The following ATG10 variants were observed in gnomAD, a reference collection of about 807,000 sequenced individuals.
The protein encoded by ATG10 is autophagy related 10.
A neutral mutation model predicts 32.1 loss-of-function variants in ATG10; 30 were observed. The observed-to-expected ratio is 0.94, with a 90% CI of 0.70 to 1.27. The LOEUF is 1.27. Among genes scored for constraint, ATG10 ranks in the 50% most tolerant of loss-of-function variants. The pLI is 0.00. For synonymous variants in ATG10, 87 were observed against 91.5 expected (o/e 0.95, Z 0.28); for missense variants, 233 against 262.3 (o/e 0.89, Z 0.77).
In ATG10 at chr5:82,121,071, G is replaced by A. The variant is rs190608770; in HGVS notation, c.217-43328G>A. Among the ~76,000 whole-genome samples, 306 of 152,246 alleles carry A rather than the reference G, an allele frequency of 2.0e-3. 3 individuals carry two copies. Among genetic ancestry groups the A allele is most frequent in the Non-Finnish European group, 3.0e-3 (203 of 68,014 alleles). On this transcript the variant is annotated intron_variant, in intron 3 of 7. Coordinates refer to ENST00000282185, the MANE Select transcript of ATG10 (RefSeq NM_031482.5). Reference sequence around the variant, plus strand: ...CCCTACCATGGACCCAGGAATAAGGGTTAGAAGAACCTACGGTCTTTTTTC... The same window carrying A: ...CCCTACCATGGACCCAGGAATAAGGATTAGAAGAACCTACGGTCTTTTTTC...
At chr5:82,158,075 T>C (rs1431480134) in intron 3 of ATG10, among the ~76,000 whole-genome samples, 3 of 152,232 alleles carry the variant, frequency 2.0e-5, no homozygotes, top group African/African-American at 7.2e-5. Flanking sequence ...AGCTGTGAAG[T>C]GTCTTCAGCA....
chr5:81,982,389 TC>T (rs1304044704), intron 1 of ATG10, among the ~76,000 whole-genome samples: 1 of 152,098 alleles, frequency 6.6e-6, no homozygotes, highest in Non-Finnish European at 1.5e-5. Flanking sequence ...TCGCTTGAAC[TC>T]GGGAGGTGGA....
intron 5 of ATG10, among the ~76,000 whole-genome samples, chr5:82,222,411 C>T (rs964820752): frequency 1.3e-5 from 2 of 152,100 alleles, no homozygotes; most frequent in African/African-American, 2.4e-5. Flanking sequence ...GGATTAAATA[C>T]AATAGTAAAT....
chr5:82,085,284 C>A (rs1764639373), intron 3 of ATG10, among the ~76,000 whole-genome samples: 1 of 152,054 alleles, frequency 6.6e-6, no homozygotes, highest in South Asian at 2.1e-4. Flanking sequence ...AGAGCTAACA[C>A]TCCTATATAT....
At chr5:82,173,093 C>T (rs959964524) in intron 4 of ATG10, among the ~76,000 whole-genome samples, 3 of 152,138 alleles carry the variant, frequency 2.0e-5, no homozygotes, top group Admixed American at 6.5e-5. Flanking sequence ...CTAATGGCCA[C>T]ATTCAGAACA....
intron 6 of ATG10, 196 bp downstream of exon 6, chr5:82,252,855 A>G (rs897151883): frequency 2.8e-5 from 15 of 531,396 alleles, no homozygotes; most frequent in African/African-American, 1.2e-4. Flanking sequence ...CAGCATTCCT[A>G]TGTGCTAAGT....
intron 5 of ATG10, among the ~76,000 whole-genome samples, chr5:82,221,637 G>A (rs924579921): frequency 3.9e-5 from 6 of 152,124 alleles, no homozygotes; most frequent in Non-Finnish European, 5.9e-5. Context: ...ATAGGACTCC[G>A]AAGCCACCAT....
intron 2 of ATG10, among the ~76,000 whole-genome samples, chr5:82,039,825 G>A (rs1392240060): frequency 6.6e-6 from 1 of 151,926 alleles, no homozygotes; most frequent in African/African-American, 2.4e-5. Flanking sequence ...TGATTTTTTT[G>A]GTCAGGACTT....
chr5:82,184,760 A>C (rs1467483004), intron 5 of ATG10, among the ~76,000 whole-genome samples: 1 of 152,172 alleles, frequency 6.6e-6, no homozygotes, highest in Admixed American at 6.6e-5. Flanking sequence ...TTATTTTTTA[A>C]AAAGCAATTA....
At chr5:82,098,003 T>C (rs1356051703) in intron 3 of ATG10, among the ~76,000 whole-genome samples, 1 of 152,218 alleles carries the variant, frequency 6.6e-6, no homozygotes, top group African/African-American at 2.4e-5. Flanking sequence ...CCCTGTGACG[T>C]TGAGTCTGTA....
At chr5:82,080,228 ATTTG>A (rs762623044) in intron 3 of ATG10, among the ~76,000 whole-genome samples, 37 of 151,992 alleles carry the variant, frequency 2.4e-4, no homozygotes, top group Non-Finnish European at 4.7e-4. Flanking sequence ...TTTCTTGTAA[ATTTG>A]TTTGAGTTCT....
At chr5:81,988,385 C>T (rs557428158) in intron 2 of ATG10, among the ~76,000 whole-genome samples, 6 of 152,056 alleles carry the variant, frequency 3.9e-5, no homozygotes, top group African/African-American at 1.4e-4. Flanking sequence ...GTGATCCACC[C>T]GCCTCAGCCT....
intron 3 of ATG10, among the ~76,000 whole-genome samples, chr5:82,118,175 T>G (rs1445409137): frequency 6.6e-6 from 1 of 151,394 alleles, no homozygotes; most frequent in African/African-American, 2.4e-5. Flanking sequence ...TTTGGGTGAT[T>G]GGACAGGTTA....
At chr5:82,074,770 T>C (rs1764222821) in intron 3 of ATG10, among the ~76,000 whole-genome samples, 1 of 152,188 alleles carries the variant, frequency 6.6e-6, no homozygotes, top group Admixed American at 6.5e-5. Flanking sequence ...AAGTTTCCAG[T>C]CCCTTAACTT....
intron 3 of ATG10, among the ~76,000 whole-genome samples, chr5:82,162,681 C>T (rs906018110): frequency 6.6e-5 from 10 of 151,966 alleles, no homozygotes; most frequent in African/African-American, 2.4e-4. Flanking sequence ...AAAAACACAA[C>T]AGCAACTATG....
intron 1 of ATG10, among the ~76,000 whole-genome samples, chr5:81,980,306 C>G (rs542349555): frequency 6.6e-6 from 1 of 152,268 alleles, no homozygotes; most frequent in South Asian, 2.1e-4. Context: ...CAAGCTTTCC[C>G]TCTTCCTGTT....
intron 5 of ATG10, among the ~76,000 whole-genome samples, chr5:82,202,420 C>A (rs754433655): frequency 6.6e-6 from 1 of 152,140 alleles, no homozygotes; most frequent in Non-Finnish European, 1.5e-5. Flanking sequence ...AACAACTCTT[C>A]CCCCCTGCAG....
intron 5 of ATG10, among the ~76,000 whole-genome samples, chr5:82,249,172 C>G (rs552010223): frequency 6.6e-6 from 1 of 151,984 alleles, no homozygotes; most frequent in African/African-American, 2.4e-5. Flanking sequence ...TTTTGAAGTA[C>G]CTAAACTTTT....
chr5:82,213,384 T>C (rs1471791126), intron 5 of ATG10, among the ~76,000 whole-genome samples: 1 of 152,188 alleles, frequency 6.6e-6, no homozygotes, highest in Non-Finnish European at 1.5e-5. Context: ...TGAGCTTCCT[T>C]CCTCTGGCCA....
Sources: allele counts gnomAD v4.1 joint callset (sites outside exome capture counted in the v4.1 genomes callset), GRCh38; gene constraint gnomAD v4.1.1; transcripts MANE v1.5; gene names NCBI Gene and HGNC (gene_info 2026-07-23, HGNC 2026-07-21).